Variants in KALRN observed in about 807,000 individuals in gnomAD.
The protein encoded by KALRN is kalirin.
Under a neutral mutation model 353.7 loss-of-function variants are expected in KALRN, and 70 were observed. That is an observed-to-expected ratio of 0.20 (90% CI 0.16 to 0.24). The LOEUF (loss-of-function observed/expected upper bound fraction) is 0.24, where lower values mean the gene tolerates loss of function less well. KALRN is among the 10% of genes least tolerant of loss of function. The pLI, the probability that KALRN is intolerant of heterozygous loss-of-function variation, is 1.00. For missense variants in KALRN, 2,791 were observed against 3,756.7 expected (o/e 0.74, Z 6.72); for synonymous variants, 1,391 against 1,434.8 (o/e 0.97, Z 0.69).
At chr3:124,314,163 G>C (rs1176859310) in intron 6 of KALRN, among the ~76,000 whole-genome samples, 1 of 152,142 alleles carries the variant, frequency 6.6e-6, no homozygotes, top group East Asian at 1.9e-4. Flanking sequence ...TGGAATACTA[G>C]GCGGCCATAA....
At chr3:124,446,728 T>A in intron 20 of KALRN, 35 bp from the exon 21 acceptor site, 2 of 1,612,806 alleles carry the variant, frequency 1.2e-6, no homozygotes, top group Non-Finnish European at 1.7e-6. Context: ...GACAGCTGCC[T>A]TTTTGGGGAC....
intron 1 of KALRN, among the ~76,000 whole-genome samples, chr3:124,140,610 C>G (rs867556329): frequency 2.0e-5 from 3 of 152,220 alleles, no homozygotes; most frequent in Non-Finnish European, 4.4e-5. Context: ...GATGACCCCT[C>G]ACTAGAGCAC....
At chr3:124,249,845 T>C (rs1029361142) in intron 3 of KALRN, among the ~76,000 whole-genome samples, 15 of 152,188 alleles carry the variant, frequency 9.9e-5, no homozygotes, top group African/African-American at 3.6e-4. Flanking sequence ...ACTCCAGCTC[T>C]TTGACCTCCC....
chr3:124,109,758 A>G lies in KALRN; in HGVS notation c.73+75945A>G, dbSNP rs762398398. Among the ~76,000 whole-genome samples the G allele has an allele frequency of 1.8e-3, 221 of 123,494 alleles. 4 individuals are homozygous for G. The highest frequency in any genetic ancestry group is 0.024 in the Middle Eastern group (2 of 82). 81.0% of individuals were successfully genotyped at this position (123,494 alleles called of 152,430 possible). A position where few individuals can be genotyped will look rare whatever the true frequency, so the allele number is the denominator to read the frequency against. On this transcript the variant is annotated intron_variant, in intron 1 of 59. Transcript: ENST00000682506. ...GATATATATATGACATATATATCAT[A>G]CTTTGATATATATATGACATATATA...
At chr3:124,628,163 T>TTCCTTCCCTCCCTC (rs2080208792) in intron 34 of KALRN, among the ~76,000 whole-genome samples, 1 of 43,410 alleles carries the variant, frequency 2.3e-5, no homozygotes, top group Non-Finnish European at 4.1e-5. Flanking sequence ...CTCCCTCCCT[T>TTCCTTCCCTCCCTC]CCTTCCTTCC....
intron 1 of KALRN, among the ~76,000 whole-genome samples, chr3:124,190,344 C>T (rs1008099646): frequency 1.3e-5 from 2 of 152,158 alleles, no homozygotes; most frequent in African/African-American, 4.8e-5. Context: ...CATCATTTAT[C>T]CTCAAGACCC....
intron 10 of KALRN, among the ~76,000 whole-genome samples, chr3:124,365,369 G>A (rs771313716): frequency 1.3e-5 from 2 of 152,160 alleles, no homozygotes; most frequent in Non-Finnish European, 2.9e-5. Context: ...TCTACTCACT[G>A]TTGTGTCTCT....
At chr3:124,496,053 G>GGGCTT (rs2063814372) in intron 32 of KALRN, among the ~76,000 whole-genome samples, 1 of 135,816 alleles carries the variant, frequency 7.4e-6, no homozygotes, top group Non-Finnish European at 1.6e-5. Flanking sequence ...TCTGCAGCAT[G>GGGCTT]GGCTGGAGGA....
chr3:124,060,174 G>C (rs752187683), intron 1 of KALRN, among the ~76,000 whole-genome samples: 5 of 152,090 alleles, frequency 3.3e-5, no homozygotes, highest in Non-Finnish European at 7.3e-5. Flanking sequence ...CTGTATCAGG[G>C]AGTCCTTTCT....
At chr3:124,436,231 TG>T (rs2093455889) in intron 17 of KALRN, among the ~76,000 whole-genome samples, 1 of 152,218 alleles carries the variant, frequency 6.6e-6, no homozygotes, top group Non-Finnish European at 1.5e-5. Context: ...TGAAGGACAC[TG>T]GAGTAAGAGT....
chr3:124,586,402 A>G (rs535567915), intron 34 of KALRN, among the ~76,000 whole-genome samples: 1 of 152,280 alleles, frequency 6.6e-6, no homozygotes, highest in Admixed American at 6.5e-5. Context: ...TGAAGTCCCC[A>G]CAGCTGCCTC....
intron 34 of KALRN, among the ~76,000 whole-genome samples, chr3:124,564,075 C>G (rs906919307): frequency 6.6e-6 from 1 of 150,404 alleles, no homozygotes; most frequent in Non-Finnish European, 1.5e-5. Flanking sequence ...CATGGTGGCG[C>G]ACGCCTGTAG....
intron 1 of KALRN, among the ~76,000 whole-genome samples, chr3:124,193,076 T>C (rs2075098978): frequency 6.6e-6 from 1 of 152,238 alleles, no homozygotes; most frequent in Admixed American, 6.5e-5. Context: ...AATGTTTACT[T>C]GCTTCCTGTT....
At chr3:124,376,946 G>T (rs498536) in intron 10 of KALRN, among the ~76,000 whole-genome samples, 2 of 151,896 alleles carry the variant, frequency 1.3e-5, no homozygotes, top group African/African-American at 4.8e-5. Context: ...GCTGTTGCAC[G>T]TGCACAATTA....
At chr3:124,600,037 A>C (rs2076644523) in intron 34 of KALRN, among the ~76,000 whole-genome samples, 1 of 152,234 alleles carries the variant, frequency 6.6e-6, no homozygotes, top group African/African-American at 2.4e-5. Flanking sequence ...CAAAATCAGA[A>C]CTGAACTGTT....
intron 6 of KALRN, among the ~76,000 whole-genome samples, chr3:124,317,519 C>T (rs920977808): frequency 1.3e-5 from 2 of 152,068 alleles, no homozygotes; most frequent in African/African-American, 4.8e-5. Context: ...AGAAATAGTT[C>T]TTGTTCGGGG....
In KALRN at chr3:124,372,690, C is replaced by T. The variant is rs543103271; in HGVS notation, c.1771-12155C>T. Among the ~76,000 whole-genome samples the T allele has an allele frequency of 5.9e-5, 9 of 152,008 alleles. No individual in the cohort carries two copies. In the South Asian group the frequency reaches 1.7e-3, roughly 28 times the overall value. Reference sequence around the variant, plus strand: ...TTGTAGTGAGTGGGTAATACTCTATCACGTGTTATCACAGTGTAGTGAACT... The same window carrying T: ...TTGTAGTGAGTGGGTAATACTCTATTACGTGTTATCACAGTGTAGTGAACT... On this transcript the variant is annotated intron_variant, in intron 10 of 59. Transcript: ENST00000682506.
chr3:124,707,792 A>G (rs1470973075), intron 57 of KALRN, among the ~76,000 whole-genome samples: 3 of 152,214 alleles, frequency 2.0e-5, no homozygotes, highest in Non-Finnish European at 4.4e-5. Flanking sequence ...AGACAACTTC[A>G]AAAAGGGGCA....
intron 57 of KALRN, among the ~76,000 whole-genome samples, chr3:124,707,489 C>A (rs2062691963): frequency 1.3e-5 from 2 of 150,854 alleles, no homozygotes; most frequent in Admixed American, 6.6e-5. Context: ...TTCCTTCCTA[C>A]CTTTTTTCTT....
Sources: gnomAD v4.1 joint callset for allele counts (sites outside exome capture counted in the v4.1 genomes callset) on GRCh38, gnomAD v4.1.1 for gene constraint, MANE v1.5 for transcripts, NCBI Gene and HGNC (gene_info 2026-07-23, HGNC 2026-07-21) for gene names.